STXBP5L: variants seen among roughly 807,000 people sequenced by gnomAD.
STXBP5L encodes syntaxin binding protein 5L, also known as syntaxin-binding protein 5-like.
STXBP5L carries 65 observed loss-of-function variants against 144.5 expected under a neutral mutation model. That is an observed-to-expected ratio of 0.45 (90% CI 0.37 to 0.55). The LOEUF is 0.55. Among genes scored for constraint, STXBP5L ranks in the 20% least tolerant of loss-of-function variants. The pLI is 0.00. For synonymous variants in STXBP5L, 505 were observed against 469.6 expected (o/e 1.08, Z -0.97); for missense variants, 1,298 against 1,405.5 (o/e 0.92, Z 1.22).
intron 3 of STXBP5L, among the ~76,000 whole-genome samples, chr3:121,001,872 T>TCAG (rs1423808293): frequency 6.6e-6 from 1 of 152,218 alleles, no homozygotes; most frequent in Non-Finnish European, 1.5e-5. Flanking sequence ...CTGTGTCTAG[T>TCAG]CAGCCATCTT....
At position 121,318,533 on chromosome 3, in the gene STXBP5L, T is replaced by C. The variant is rs374831568; in HGVS notation, c.2169T>C (p.Pro723=). The change falls in exon 20 of 27, where the codon CCT becomes CCC. Residue 723 remains proline (P), a synonymous_variant. Coordinates refer to ENST00000471454, the MANE Select transcript of STXBP5L (RefSeq NM_001308330.2). ...VPLELERCKS[P]TSDHVNGHCT... Reference sequence around the variant, plus strand: ...TAGAACTTGAGCGCTGCAAGTCTCCTACCTCAGGTAAACATGAGTGGTATT... The same window carrying C: ...TAGAACTTGAGCGCTGCAAGTCTCCCACCTCAGGTAAACATGAGTGGTATT... 36 of 1,554,294 alleles carry C rather than the reference T, an allele frequency of 2.3e-5. No individual in the cohort carries two copies. The African/African-American group carries it at 4.9e-4, about 21-fold the overall frequency.
At chr3:121,148,037 T>G (rs975116012) in intron 7 of STXBP5L, among the ~76,000 whole-genome samples, 1 of 152,076 alleles carries the variant, frequency 6.6e-6, no homozygotes, top group African/African-American at 2.4e-5. Flanking sequence ...CAGCTCACCC[T>G]GCAGATCTTG....
intron 3 of STXBP5L, among the ~76,000 whole-genome samples, chr3:120,965,348 A>G (rs1347256543): frequency 1.3e-5 from 2 of 152,102 alleles, no homozygotes; most frequent in Non-Finnish European, 2.9e-5. Context: ...TTGTCAGCTA[A>G]TTGATGCAGT....
At chr3:121,220,644 G>T (rs1258188791) in intron 10 of STXBP5L, among the ~76,000 whole-genome samples, 1 of 151,980 alleles carries the variant, frequency 6.6e-6, no homozygotes, top group Non-Finnish European at 1.5e-5. Flanking sequence ...AAGGAGATAT[G>T]GTTTTGCAAG....
At chr3:121,031,083 A>G (rs965298141) in intron 3 of STXBP5L, among the ~76,000 whole-genome samples, 2 of 152,128 alleles carry the variant, frequency 1.3e-5, no homozygotes, top group South Asian at 4.1e-4. Flanking sequence ...CAGAGAAGGA[A>G]AAGGCTGAAA....
rs975308627 is a variant in STXBP5L, at chr3:121,004,342, C to A, written c.288-37358C>A. On this transcript the variant is annotated intron_variant, in intron 3 of 26. Coordinates refer to ENST00000471454, the MANE Select transcript of STXBP5L (RefSeq NM_001308330.2). ...GAATGGGAGTTCACTCATGATTTGG[C>A]TCTCTGTTTGTCTGTTATTGGTGTA... Among the ~76,000 whole-genome samples the A allele has an allele frequency of 1.2e-3, 178 of 152,072 alleles. 2 individuals are homozygous for A. Among genetic ancestry groups the A allele is most frequent in the Admixed American group, 2.4e-3 (37 of 15,244 alleles).
intron 23 of STXBP5L, among the ~76,000 whole-genome samples, chr3:121,411,235 T>C (rs566360036): frequency 6.6e-6 from 1 of 152,242 alleles, no homozygotes; most frequent in South Asian, 2.1e-4. Flanking sequence ...CTGGCTACCA[T>C]ATTGGACAGC....
At chr3:120,924,315 TA>T in intron 2 of STXBP5L, among the ~76,000 whole-genome samples, 1 of 152,302 alleles carries the variant, frequency 6.6e-6, no homozygotes, top group Non-Finnish European at 1.5e-5. Flanking sequence ...CAAAATATTT[TA>T]AAGTATTGAT....
chr3:121,332,143 A>G (rs568480215), intron 20 of STXBP5L, among the ~76,000 whole-genome samples: 1 of 152,100 alleles, frequency 6.6e-6, no homozygotes, highest in South Asian at 2.1e-4. Flanking sequence ...GAAATAGTTT[A>G]CCCAAATGAG....
chr3:121,004,189 A>G (rs1419737149), intron 3 of STXBP5L, among the ~76,000 whole-genome samples: 3 of 152,136 alleles, frequency 2.0e-5, no homozygotes, highest in African/African-American at 4.8e-5. Context: ...TGATCATGGA[A>G]TGTTCTTCCA....
intron 11 of STXBP5L, 57 bp downstream of exon 11, chr3:121,223,214 T>C: frequency 6.6e-7 from 1 of 1,513,962 alleles, no homozygotes. Context: ...ATGACAAGTT[T>C]CTAACAAAAT....
intron 3 of STXBP5L, among the ~76,000 whole-genome samples, chr3:120,986,374 TATA>T (rs1164680627): frequency 6.6e-6 from 1 of 151,988 alleles, no homozygotes; most frequent in Non-Finnish European, 1.5e-5. Flanking sequence ...GAGTGTTCTG[TATA>T]TGTCTGTTAG....
At chr3:121,005,954 G>A (rs1944258700) in intron 3 of STXBP5L, among the ~76,000 whole-genome samples, 1 of 152,152 alleles carries the variant, frequency 6.6e-6, no homozygotes, top group African/African-American at 2.4e-5. Context: ...CATTTGCTGA[G>A]GAGTGCTTTA....
At chr3:121,187,883 C>T (rs1229344719) in intron 9 of STXBP5L, among the ~76,000 whole-genome samples, 1 of 151,818 alleles carries the variant, frequency 6.6e-6, no homozygotes, top group African/African-American at 2.4e-5. Flanking sequence ...AAAAAAGCAG[C>T]GGTTGCAATC....
intron 7 of STXBP5L, among the ~76,000 whole-genome samples, chr3:121,130,126 A>G (rs1242118693): frequency 6.6e-6 from 1 of 152,166 alleles, no homozygotes; most frequent in Non-Finnish European, 1.5e-5. Context: ...CCTAAGTCAA[A>G]GATGCTTTGC....
chr3:121,354,566 T>G (rs115866681), intron 20 of STXBP5L, among the ~76,000 whole-genome samples: 5,151 of 139,316 alleles, frequency 0.037, 133 homozygotes, highest in Middle Eastern at 0.092. Flanking sequence ...CTCTATCCCT[T>G]TATTTTTAGC....
At chr3:121,102,384 A>G (rs1232113118) in intron 5 of STXBP5L, among the ~76,000 whole-genome samples, 1 of 152,142 alleles carries the variant, frequency 6.6e-6, no homozygotes, top group Non-Finnish European at 1.5e-5. Context: ...ATGGAACAGA[A>G]TAGAGAACCC....
chr3:121,113,766 G>A (rs1559761782), intron 5 of STXBP5L, among the ~76,000 whole-genome samples: 1 of 143,144 alleles, frequency 7.0e-6, no homozygotes, highest in Non-Finnish European at 1.5e-5. Flanking sequence ...CCTATCTCCT[G>A]GGTTCAAGTG....
rs79484358 is a variant in STXBP5L at position 121,264,529 on chromosome 3, T to C, written c.1958+5361T>C. On this transcript the variant is annotated intron_variant, in intron 18 of 26. Coordinates refer to ENST00000471454, the MANE Select transcript of STXBP5L (RefSeq NM_001308330.2). ...CTAGCCACTGCAAAAACATACCAAA[T>C]TGTAAAGACCATCGACACTAAGAAG... is the stretch of plus-strand genomic sequence containing the variant. Among the ~76,000 whole-genome samples, 1,191 of 152,144 alleles carry C rather than the reference T, an allele frequency of 7.8e-3. 11 individuals carry two copies. Among genetic ancestry groups the C allele is most frequent in the African/African-American group, 0.028 (1,146 of 41,500 alleles).
Sources: gnomAD v4.1 joint callset for allele counts (sites outside exome capture counted in the v4.1 genomes callset) on GRCh38, gnomAD v4.1.1 for gene constraint, MANE v1.5 for transcripts, NCBI Gene and HGNC (gene_info 2026-07-23, HGNC 2026-07-21) for gene names.